Variants in DOCK2 observed in about 807,000 individuals in gnomAD.
The protein encoded by DOCK2 is dedicator of cytokinesis protein 2.
A neutral mutation model predicts 248.9 loss-of-function variants in DOCK2; 87 were observed. The observed-to-expected ratio is 0.35, with a 90% CI of 0.29 to 0.42. The LOEUF (loss-of-function observed/expected upper bound fraction) is 0.42. Ranked by LOEUF, DOCK2 falls within the 10% of genes least tolerant of loss-of-function variation. DOCK2 has a pLI of 1.00. For missense variants in DOCK2, 1,747 were observed against 2,300.2 expected (o/e 0.76, Z 4.92); for synonymous variants, 805 against 821.6 (o/e 0.98, Z 0.35).
Position 170,006,702 on chromosome 5 carries a change from G to A in DOCK2, c.3073-1795G>A, listed in dbSNP as rs867680205. 3.3e-5 allele frequency among the ~76,000 whole-genome samples: 5 copies of A among 152,346 alleles called. No individual in the cohort carries two copies. The East Asian group carries it at 9.6e-4, about 29-fold the overall frequency. On this transcript the variant is annotated intron_variant, in intron 30 of 51. Transcript: ENST00000520908. ...GAAAAAAGCATTCACTCAACAAAAT[G>A]TAAACTGCGTGAGGCCAGGGATCGC...
At chr5:170,062,237 A>C (rs1283921753) in intron 44 of DOCK2, among the ~76,000 whole-genome samples, 1 of 152,064 alleles carries the variant, frequency 6.6e-6, no homozygotes, top group African/African-American at 2.4e-5. Context: ...GTAAGGGAGT[A>C]AGGAGGCTAT....
At chr5:170,059,777 G>A (rs1030390054) in intron 44 of DOCK2, among the ~76,000 whole-genome samples, 1 of 152,168 alleles carries the variant, frequency 6.6e-6, no homozygotes, top group Admixed American at 6.5e-5. Context: ...CACCCGTAAT[G>A]TCTAAACCGG....
At chr5:169,775,524 C>G (rs1765336256) in intron 25 of DOCK2, among the ~76,000 whole-genome samples, 1 of 151,506 alleles carries the variant, frequency 6.6e-6, no homozygotes, top group South Asian at 2.1e-4. Context: ...ACAGATGGAC[C>G]CAGAATAGCA....
chr5:169,848,453 G>T (rs1199597445), intron 27 of DOCK2, among the ~76,000 whole-genome samples: 1 of 152,218 alleles, frequency 6.6e-6, no homozygotes, highest in Non-Finnish European at 1.5e-5. Context: ...AGGCTTGTTT[G>T]TGCGTGGTGA....
chr5:169,783,131 A>G (rs947894745), intron 25 of DOCK2, among the ~76,000 whole-genome samples: 3 of 152,244 alleles, frequency 2.0e-5, no homozygotes, highest in African/African-American at 7.2e-5. Context: ...AGAGAGCCAG[A>G]GGATGTTAAA....
chr5:169,791,722 G>A (rs1028828730), intron 25 of DOCK2, among the ~76,000 whole-genome samples: 1 of 152,202 alleles, frequency 6.6e-6, no homozygotes, highest in Non-Finnish European at 1.5e-5. Flanking sequence ...CTAGCTGGGT[G>A]AGCTACATGG....
chr5:169,946,357 G>C (rs1047763383), intron 27 of DOCK2, among the ~76,000 whole-genome samples: 1 of 152,194 alleles, frequency 6.6e-6, no homozygotes, highest in African/African-American at 2.4e-5. Context: ...TGAGGGGGAC[G>C]AGTCACAGGA....
chr5:170,048,376 CAAAG>C (rs1233717747), intron 40 of DOCK2, among the ~76,000 whole-genome samples: 19 of 152,156 alleles, frequency 1.2e-4, no homozygotes, highest in African/African-American at 4.3e-4. Context: ...GCCTGGGTAA[CAAAG>C]AGAGACCCTG....
At chr5:169,648,711 A>G (rs1018693743) in intron 1 of DOCK2, among the ~76,000 whole-genome samples, 7 of 152,224 alleles carry the variant, frequency 4.6e-5, no homozygotes, top group Non-Finnish European at 1.0e-4. Flanking sequence ...AGAGACGATA[A>G]TAATCACACC....
chr5:169,648,924 C>T (rs547172054), intron 1 of DOCK2, among the ~76,000 whole-genome samples: 9 of 152,296 alleles, frequency 5.9e-5, no homozygotes, highest in East Asian at 5.8e-4. Flanking sequence ...GACTAGCGCC[C>T]GCCCGGGTTT....
intron 30 of DOCK2, among the ~76,000 whole-genome samples, chr5:170,008,222 CAACAAA>C (rs1194496815): frequency 1.0e-3 from 49 of 49,180 alleles, no homozygotes; most frequent in African/African-American, 2.8e-3. Context: ...ACAACAACAA[CAACAAA>C]AAAAAAAAAA....
intron 27 of DOCK2, among the ~76,000 whole-genome samples, chr5:169,845,364 G>T (rs1010910304): frequency 6.6e-6 from 1 of 151,996 alleles, no homozygotes. Context: ...TTATGACATT[G>T]TAAGGCAATT....
chr5:170,008,225 CAAA>C lies in DOCK2; in HGVS notation c.3073-261_3073-259del, dbSNP rs60090712. 1.6e-4 allele frequency among the ~76,000 whole-genome samples: 18 copies of C among 113,960 alleles called. 1 individual carries two copies. Among genetic ancestry groups the C allele is most frequent in the East Asian group, 8.5e-4 (4 of 4,680 alleles). The allele number at this position is 113,960 out of a possible 152,430, so 74.8% of individuals were successfully genotyped here. On this transcript the variant is annotated intron_variant, in intron 30 of 51. Coordinates refer to ENST00000520908, the MANE Select transcript of DOCK2 (RefSeq NM_004946.3). The stretch of plus-strand genomic sequence containing the variant: ...ACAACAACAACAACAACAACAACAA[CAAA>C]AAAAAAAAAACCTAAAATTCTCCTC...
chr5:170,060,671 C>T (rs1398766949), intron 44 of DOCK2, among the ~76,000 whole-genome samples: 1 of 152,150 alleles, frequency 6.6e-6, no homozygotes, highest in African/African-American at 2.4e-5. Flanking sequence ...GAGCACCTGT[C>T]CTGTGCAGCT....
Position 169,669,293 on chromosome 5 carries a change from T to C in DOCK2, c.133T>C (p.Tyr45His). 1 of 1,614,118 alleles carries C rather than the reference T, an allele frequency of 6.2e-7. No homozygotes were observed. The highest frequency in any genetic ancestry group is 8.5e-7 in the Non-Finnish European group (1 of 1,179,990). Reference protein sequence around the residue: ...VRIQETCGDWYRGYLIKHKML... With the variant: ...VRIQETCGDWHRGYLIKHKML... ...TCTTTGTTTTCTTTTTGCAGACTGG[T>C]ATAGGGGATACCTCATAAAGCACAA... Residue 45 changes from tyrosine to histidine, a missense_variant, in exon 3 of 52, where the codon TAT (tyrosine) becomes CAT (histidine). Tyr to His is a moderately conservative substitution (Grantham distance 83). Around this residue, in one of 4 missense-constraint regions of DOCK2, gnomAD observed 375 missense variants for 510.9 expected, o/e 0.73. Transcript: ENST00000520908.
intron 2 of DOCK2, among the ~76,000 whole-genome samples, chr5:169,659,641 C>A (rs1372437765): frequency 6.6e-6 from 1 of 152,178 alleles, no homozygotes; most frequent in East Asian, 1.9e-4. Context: ...ATGATAAAAA[C>A]TCACATAGTT....
intron 41 of DOCK2, among the ~76,000 whole-genome samples, chr5:170,053,477 A>G (rs1756995693): frequency 6.6e-6 from 1 of 152,182 alleles, no homozygotes; most frequent in Non-Finnish European, 1.5e-5. Flanking sequence ...CACGTTACAA[A>G]ATACTCTTTT....
chr5:169,717,344 G>T, intron 20 of DOCK2, 40 bp from the exon 21 acceptor site: 1 of 1,570,340 alleles, frequency 6.4e-7, no homozygotes, highest in Non-Finnish European at 8.8e-7. Context: ...TCCTGCCCTG[G>T]GTTTGCCCTG....
At chr5:169,663,505 C>T (rs897677810) in intron 2 of DOCK2, among the ~76,000 whole-genome samples, 1 of 152,198 alleles carries the variant, frequency 6.6e-6, no homozygotes, top group African/African-American at 2.4e-5. Context: ...AGATTCTGCC[C>T]CTGCAGAAGA....
Sources: gnomAD v4.1 joint callset for allele counts (sites outside exome capture counted in the v4.1 genomes callset) on GRCh38, gnomAD v4.1.1 for gene constraint, gnomAD v4.1.1 regional missense constraint, MANE v1.5 for transcripts, NCBI Gene and HGNC (gene_info 2026-07-23, HGNC 2026-07-21) for gene names.